Variants in ERBB4 observed in about 807,000 individuals in gnomAD.
ERBB4 encodes the protein receptor tyrosine-protein kinase erbB-4.
In ERBB4, 42 loss-of-function variants were observed where a neutral mutation model predicts 158.0. That is an observed-to-expected ratio of 0.27 (90% CI 0.21 to 0.34). The LOEUF is 0.34. ERBB4 is among the 10% of genes least tolerant of loss of function. ERBB4 has a pLI of 1.00. For missense variants in ERBB4, 1,333 were observed against 1,624.1 expected (o/e 0.82, Z 3.08); for synonymous variants, 583 against 558.7 (o/e 1.04, Z -0.61).
intron 20 of ERBB4, among the ~76,000 whole-genome samples, chr2:211,497,603 C>T (rs12620169): frequency 0.3 from 45,155 of 151,766 alleles, 7,035 homozygotes; most frequent in East Asian, 0.38. Context: ...GAGAACAGTA[C>T]CACACAAAGG....
chr2:211,413,335 C>CACACACACACAG (rs1467350777), intron 25 of ERBB4, among the ~76,000 whole-genome samples: 24 of 106,242 alleles, frequency 2.3e-4, no homozygotes, highest in African/African-American at 7.6e-4. Flanking sequence ...CACACACACA[C>CACACACACACAG]ACACACACAC....
At chr2:211,525,253 A>G (rs1299050423) in intron 20 of ERBB4, among the ~76,000 whole-genome samples, 13 of 152,134 alleles carry the variant, frequency 8.5e-5, no homozygotes. Context: ...AACCCCAGAC[A>G]AAAAAGCTCA....
At chr2:211,904,790 T>A (rs1052278128) in intron 3 of ERBB4, among the ~76,000 whole-genome samples, 1 of 152,118 alleles carries the variant, frequency 6.6e-6, no homozygotes. Context: ...AGAGAACAAT[T>A]ACCTTCACTC....
At position 212,406,958 on chromosome 2, in the gene ERBB4, G is replaced by A. The variant is rs1426256758; in HGVS notation, c.82+131491C>T. 7.9e-5 allele frequency among the ~76,000 whole-genome samples: 12 copies of A among 151,772 alleles called. No homozygotes were observed. The Admixed American group carries it at 7.9e-4, about 10-fold the overall frequency. ...TCTCTTTGCACATACTCTTCTCTCT[G>A]CACAAATCCTTTCTCCCTCACCTCC... On this transcript the variant is annotated intron_variant, in intron 1 of 27. Transcript: ENST00000342788.
chr2:212,313,242 A>G (rs2087125862), intron 1 of ERBB4, among the ~76,000 whole-genome samples: 1 of 150,946 alleles, frequency 6.6e-6, no homozygotes, highest in African/African-American at 2.4e-5. Context: ...AAAAGAGCCA[A>G]TAAACATTCC....
rs67894136 is a variant in ERBB4, at chr2:211,713,654, TAAAA to T, written c.884-10_884-7del. 1.3e-5 allele frequency: 16 copies of T among 1,248,032 alleles called. No homozygotes were observed. Among genetic ancestry groups the T allele is most frequent in the Non-Finnish European group, 1.5e-5 (13 of 878,012 alleles). The allele number at this position is 1,248,032 out of a possible 1,614,324, so 77.3% of individuals were successfully genotyped here. A position where few individuals can be genotyped will look rare whatever the true frequency, so the allele number is the denominator to read the frequency against. On this transcript the variant is annotated splice_polypyrimidine_tract_variant and splice_region_variant and intron_variant, in intron 7 of 27. Coordinates refer to ENST00000342788, the MANE Select transcript of ERBB4 (RefSeq NM_005235.3). ...GGAATCTACCACAAAGTTATCTGATTAAAAAAAAAAAAAAGGTAAAATAAGCATT... is the reference window on the plus strand; with the variant it reads ...GGAATCTACCACAAAGTTATCTGATTAAAAAAAAAAGGTAAAATAAGCATT...
At chr2:211,785,700 C>G (rs1350272851) in intron 4 of ERBB4, among the ~76,000 whole-genome samples, 1 of 151,968 alleles carries the variant, frequency 6.6e-6, no homozygotes, top group Admixed American at 6.6e-5. Context: ...ATTATTTATG[C>G]CTATCACTGC....
chr2:212,074,647 A>C (rs1216024936), intron 2 of ERBB4, among the ~76,000 whole-genome samples: 1 of 151,934 alleles, frequency 6.6e-6, no homozygotes, highest in Admixed American at 6.6e-5. Context: ...ATTTTATAGG[A>C]TGATTAATAC....
chr2:211,772,032 G>A (rs1449627128), intron 4 of ERBB4, among the ~76,000 whole-genome samples: 1 of 152,018 alleles, frequency 6.6e-6, no homozygotes, highest in Non-Finnish European at 1.5e-5. Context: ...ATATATACTA[G>A]AAATTCATTA....
chr2:211,807,129 A>C (rs2076636557), intron 3 of ERBB4, among the ~76,000 whole-genome samples: 1 of 152,124 alleles, frequency 6.6e-6, no homozygotes, highest in Non-Finnish European at 1.5e-5. Flanking sequence ...AGAGTAGACA[A>C]AACAGGAGAC....
chr2:211,782,415 C>A (rs2076058239), intron 4 of ERBB4, among the ~76,000 whole-genome samples: 1 of 130,140 alleles, frequency 7.7e-6, no homozygotes, highest in Non-Finnish European at 1.6e-5. Flanking sequence ...ACCACTGTCA[C>A]CTAGCAGCTT....
intron 25 of ERBB4, among the ~76,000 whole-genome samples, chr2:211,401,200 C>T (rs959085592): frequency 6.6e-6 from 1 of 151,818 alleles, no homozygotes; most frequent in Non-Finnish European, 1.5e-5. Context: ...ATGAAATATC[C>T]AGTAATAAAA....
intron 2 of ERBB4, among the ~76,000 whole-genome samples, chr2:212,039,233 G>A (rs929267243): frequency 5.3e-5 from 8 of 152,042 alleles, no homozygotes; most frequent in South Asian, 2.1e-4. Flanking sequence ...CCATATACAC[G>A]TTTTATATGA....
chr2:212,078,720 A>G (rs902276945), intron 2 of ERBB4, among the ~76,000 whole-genome samples: 4 of 151,800 alleles, frequency 2.6e-5, no homozygotes, highest in Non-Finnish European at 4.4e-5. Flanking sequence ...TGCAGTTAAG[A>G]GACTATTATT....
At chr2:211,607,300 T>G (rs983361704) in intron 19 of ERBB4, among the ~76,000 whole-genome samples, 1 of 152,226 alleles carries the variant, frequency 6.6e-6, no homozygotes, top group African/African-American at 2.4e-5. Flanking sequence ...ATTTTTGCTA[T>G]TATTAGCTTG....
intron 1 of ERBB4, among the ~76,000 whole-genome samples, chr2:212,448,402 G>A (rs960482282): frequency 1.3e-5 from 2 of 152,028 alleles, no homozygotes; most frequent in Admixed American, 6.5e-5. Context: ...TTTGCTAATC[G>A]CACAAGATGT....
intron 19 of ERBB4, among the ~76,000 whole-genome samples, chr2:211,581,269 AT>A (rs2068095680): frequency 6.6e-6 from 1 of 152,096 alleles, no homozygotes; most frequent in African/African-American, 2.4e-5. Context: ...ACCTATGGAA[AT>A]AAAACAATTA....
chr2:212,247,220 A>T (rs995708884), intron 1 of ERBB4, among the ~76,000 whole-genome samples: 8 of 152,142 alleles, frequency 5.3e-5, no homozygotes, highest in African/African-American at 1.9e-4. Flanking sequence ...TTAGTATCTG[A>T]TATTTACCAC....
At chr2:211,725,657 T>C (rs1284672681) in intron 5 of ERBB4, among the ~76,000 whole-genome samples, 1 of 152,060 alleles carries the variant, frequency 6.6e-6, no homozygotes, top group South Asian at 2.1e-4. Flanking sequence ...GATAACTAAA[T>C]GAGACATTTG....
Sources: gnomAD v4.1 joint callset for allele counts (sites outside exome capture counted in the v4.1 genomes callset) on GRCh38, gnomAD v4.1.1 for gene constraint, MANE v1.5 for transcripts, NCBI Gene and HGNC (gene_info 2026-07-23, HGNC 2026-07-21) for gene names.